Variants in COG1 observed in about 807,000 individuals in gnomAD.
COG1 encodes the protein conserved oligomeric Golgi complex subunit 1.
In COG1, 61 loss-of-function variants were observed where a neutral mutation model predicts 102.2. The observed-to-expected ratio is 0.60, with a 90% CI of 0.49 to 0.74. The LOEUF (loss-of-function observed/expected upper bound fraction) is 0.74, where lower values mean the gene tolerates loss of function less well. Among genes scored for constraint, COG1 ranks in the 30% least tolerant of loss-of-function variants. The probability of loss-of-function intolerance (pLI) is 0.00; values close to 1 mark genes in which losing one functional copy is unlikely to be tolerated. For synonymous variants in COG1, 454 were observed against 493.6 expected (o/e 0.92, Z 1.06); for missense variants, 1,164 against 1,232.1 (o/e 0.94, Z 0.83).
chr17:73,202,832 A>G (rs559478723), intron 7 of COG1, 168 bp from the exon 8 acceptor site: 2 of 752,296 alleles, frequency 2.7e-6, no homozygotes, highest in Admixed American at 4.2e-5. Context: ...GTTAGCAACA[A>G]AATTCCCATG....
intron 1 of COG1, among the ~76,000 whole-genome samples, chr17:73,193,598 G>A (rs186053921): frequency 6.6e-6 from 1 of 152,354 alleles, no homozygotes; most frequent in East Asian, 1.9e-4. Context: ...TTCTGGAAAT[G>A]CCATTCAACA....
At chr17:73,207,360 C>CA in intron 13 of COG1, 104 bp downstream of exon 13, 1 of 1,040,832 alleles carries the variant, frequency 9.6e-7, no homozygotes, top group Non-Finnish European at 1.5e-6. Context: ...AACTGAATGA[C>CA]AAAATGCACT....
Position 73,203,651 on chromosome 17 carries a change from C to A in COG1, c.2240C>A (p.Ser747Tyr), listed in dbSNP as rs1462999078. The A allele has an allele frequency of 6.2e-7, 1 of 1,614,216 alleles. No homozygotes were observed. The highest frequency in any genetic ancestry group is 1.1e-5 in the South Asian group (1 of 91,090). ...TTTTAGCCGTCCTGGTATGTACAGT[C>A]CTTCCTGTTTAGTTTATGCCAGGAA... ...LPAQPSWYVQSFLFSLCQEIN... is the reference protein window; with the variant it reads ...LPAQPSWYVQYFLFSLCQEIN... The change falls in exon 9 of 14, where the codon TCC (serine) becomes TAC (tyrosine). Residue 747 changes from serine (S) to tyrosine (Y), a missense_variant. Ser to Tyr is a moderately radical substitution (Grantham distance 144, BLOSUM62 -2). Coordinates refer to ENST00000299886, the MANE Select transcript of COG1 (RefSeq NM_018714.3).
In COG1 at chr17:73,201,398, A is replaced by G; in HGVS notation, c.1571A>G (p.Lys524Arg). Residue 524 changes from lysine (K) to arginine (R), a missense_variant, in exon 7 of 14, where the codon AAG becomes AGG. Coordinates refer to ENST00000299886, the MANE Select transcript of COG1 (RefSeq NM_018714.3). ...VQNFCSALDS[K>R]LKVKLDDLLA... is the part of the protein sequence containing the mutation. Reference sequence around the variant, plus strand: ...AACTTCTGTTCTGCCCTGGATTCTAAGCTGAAGGTTAAACTAGATGACCTC... The same window carrying G: ...AACTTCTGTTCTGCCCTGGATTCTAGGCTGAAGGTTAAACTAGATGACCTC... 6.2e-7 allele frequency: 1 copy of G among 1,614,222 alleles called. No homozygotes were observed. Among genetic ancestry groups the G allele is most frequent in the Non-Finnish European group, 8.5e-7 (1 of 1,180,050 alleles).
At chr17:73,199,429 A>C (rs1171847707) in intron 4 of COG1, among the ~76,000 whole-genome samples, 2 of 152,116 alleles carry the variant, frequency 1.3e-5, no homozygotes, top group Non-Finnish European at 2.9e-5. Flanking sequence ...CAACAGAATG[A>C]CCAGAGTTGT....
At chr17:73,202,640 T>C (rs1192619690) in intron 7 of COG1, among the ~76,000 whole-genome samples, 4 of 152,042 alleles carry the variant, frequency 2.6e-5, no homozygotes, top group African/African-American at 9.7e-5. Context: ...GTACAGAAAT[T>C]ATTCGGATGT....
rs2061375377 is a variant in COG1 at position 73,206,741 on chromosome 17, C to T, written c.2653C>T (p.Gln885Ter). 6.2e-7 allele frequency: 1 copy of T among 1,611,036 alleles called. No homozygotes were observed. Among genetic ancestry groups the T allele is most frequent in the Non-Finnish European group, 8.5e-7 (1 of 1,179,290 alleles). The stretch of plus-strand genomic sequence containing the variant: ...TGGATTGGTGACTGGTACAGAGAAT[C>T]AGCTCGCCCCCCGGAGCAGTACGTT... Reference protein sequence around the residue: ...LFGLVTGTENQLAPRSSTFNS... With the variant: ...LFGLVTGTEN The change falls in exon 12 of 14, where the codon CAG (glutamine) becomes TAG (stop). Residue 885 changes from glutamine to a stop codon, truncating the protein, a stop_gained. Coordinates refer to ENST00000299886, the MANE Select transcript of COG1 (RefSeq NM_018714.3). LOFTEE classifies it high-confidence loss of function.
chr17:73,204,774 C>G (rs1275156221), intron 9 of COG1, among the ~76,000 whole-genome samples: 1 of 152,162 alleles, frequency 6.6e-6, no homozygotes, highest in East Asian at 1.9e-4. Flanking sequence ...CCAGGCTGGT[C>G]TCAAACTCCT....
At position 73,200,670 on chromosome 17, in the gene COG1, A is replaced by G. The variant is rs1026128; in HGVS notation, c.1175A>G (p.Asn392Ser). Residue 392 changes from asparagine (N) to serine (S), a missense_variant, in exon 6 of 14, where the codon AAT (asparagine) becomes AGT (serine). Physicochemically the swap from Asn to Ser is conservative, Grantham distance 46. Coordinates refer to ENST00000299886, the MANE Select transcript of COG1 (RefSeq NM_018714.3). The part of the protein sequence containing the change: ...IRDAMWELLT[N>S]ESTNHSWDVL... Reference sequence around the variant, plus strand: ...GACGCCATGTGGGAGTTACTTACCAATGAGTCCACCAATCACAGCTGGGAT... The same window carrying G: ...GACGCCATGTGGGAGTTACTTACCAGTGAGTCCACCAATCACAGCTGGGAT... 0.53 allele frequency: 852,295 copies of G among 1,613,786 alleles called. 226,214 individuals carry two copies. Among genetic ancestry groups the G allele is most frequent in the East Asian group, 0.62 (27,764 of 44,856 alleles).
At chr17:73,207,995 C>A in intron 13 of COG1, 1 of 1,283,026 alleles carries the variant, frequency 7.8e-7, no homozygotes. Context: ...ATGTTGCAGC[C>A]TCTTCCAGAA....
In COG1 at chr17:73,201,553, G is replaced by A. The variant is rs752219613; in HGVS notation, c.1726G>A (p.Ala576Thr). The A allele has an allele frequency of 1.2e-6, 2 of 1,614,106 alleles. No individual in the cohort carries two copies. The highest frequency in any genetic ancestry group is 2.7e-5 in the African/African-American group (2 of 74,950). ...GGAGATGCTGCGGACTCAGTCCGTG[G>A]CATGCATCAAGCACATCGTGGACTG... ...VQEMLRTQSV[A>T]CIKHIVDCIR... is the part of the protein sequence containing the mutation. The change falls in exon 7 of 14, where the codon GCA (alanine) becomes ACA (threonine). Residue 576 changes from alanine to threonine, a missense_variant. By Grantham distance (58) the Ala-to-Thr change is moderately conservative. Coordinates refer to ENST00000299886, the MANE Select transcript of COG1 (RefSeq NM_018714.3).
chr17:73,207,011 TGAACCCAG>T, intron 12 of COG1, 162 bp from the exon 13 acceptor site: 2 of 708,786 alleles, frequency 2.8e-6, no homozygotes, highest in Non-Finnish European at 4.7e-6. Flanking sequence ...GAGAATGGCG[TGAACCCAG>T]GAGGCGGAGC....
In COG1 at chr17:73,206,274, C is replaced by CA. The variant is rs779886237; in HGVS notation, c.2619+17dup. On this transcript the variant is annotated intron_variant, in intron 11 of 13. Coordinates refer to ENST00000299886, the MANE Select transcript of COG1 (RefSeq NM_018714.3). ...TGCAGCGAACTTCTGTGAGTCAAAT[C>CA]AAAAACATGCTTAGTGCGAACGAAG... 8 of 1,602,924 alleles carry CA rather than the reference C, an allele frequency of 5.0e-6. No homozygotes were observed. Among genetic ancestry groups the CA allele is most frequent in the Non-Finnish European group, 6.8e-6 (8 of 1,169,894 alleles).
rs2061308951 is a variant in COG1, at chr17:73,193,137, A to T, written c.68A>T (p.Glu23Val). ...LDLRDPAALF[E>V]THGAEEIRGL... is the part of the protein sequence containing the mutation. The stretch of plus-strand genomic sequence containing the variant: ...CTGCGCGACCCTGCGGCTCTTTTCG[A>T]GACGCATGGAGCGGAGGAGATCCGC... The change falls in exon 1 of 14, where the codon GAG (glutamate) becomes GTG (valine). Residue 23 changes from glutamate (E) to valine (V), a missense_variant. Coordinates refer to ENST00000299886, the MANE Select transcript of COG1 (RefSeq NM_018714.3). 6.2e-7 allele frequency: 1 copy of T among 1,610,548 alleles called. No homozygotes were observed. Among genetic ancestry groups the T allele is most frequent in the African/African-American group, 1.3e-5 (1 of 74,998 alleles).
Position 73,205,572 on chromosome 17 carries a change from T to C in COG1, c.2402T>C (p.Val801Ala). 6.2e-7 allele frequency: 1 copy of C among 1,614,162 alleles called. No individual in the cohort carries two copies. The highest frequency in any genetic ancestry group is 8.5e-7 in the Non-Finnish European group (1 of 1,180,020). The change falls in exon 10 of 14, where the codon GTC becomes GCC. Residue 801 changes from valine (V) to alanine (A), a missense_variant. By Grantham distance (64) the Val-to-Ala change is moderately conservative. Transcript: ENST00000299886. ...TTGCAGAAAGAAGGTGCATTTCCAG[T>C]CACCCAGAACCGGGCGCTGCAGCTG... ...KQIKKEGAFP[V>A]TQNRALQLLY...
chr17:73,205,486 G>A, intron 9 of COG1, 67 bp from the exon 10 acceptor site: 1 of 1,568,990 alleles, frequency 6.4e-7, no homozygotes, highest in African/African-American at 1.3e-5. Flanking sequence ...AAAACTTGAA[G>A]CTGTTTATTA....
rs1455295664 is a variant in COG1, at chr17:73,193,536, C to G, written c.315+152C>G. ...CTATCCGCCCCTCACCCTTTGGGCC[C>G]CCCTCAGAGGACAGTGCCAGCCTTC... On this transcript the variant is annotated intron_variant, in intron 1 of 13. Coordinates refer to ENST00000299886, the MANE Select transcript of COG1 (RefSeq NM_018714.3). 4 of 654,930 alleles carry G rather than the reference C, an allele frequency of 6.1e-6. No individual in the cohort carries two copies. In the East Asian group the frequency reaches 9.9e-5, roughly 16 times the overall value. The allele number at this position is 654,930 out of a possible 1,614,324, so 40.6% of individuals were successfully genotyped here. A position where few individuals can be genotyped will look rare whatever the true frequency, so the allele number is the denominator to read the frequency against.
chr17:73,208,297 T>G lies in COG1; in HGVS notation c.2806-17T>G. The G allele has an allele frequency of 6.2e-7, 1 of 1,612,876 alleles. No homozygotes were observed. On this transcript the variant is annotated splice_polypyrimidine_tract_variant and intron_variant, in intron 13 of 13. Coordinates refer to ENST00000299886, the MANE Select transcript of COG1 (RefSeq NM_018714.3). Reference sequence around the variant, plus strand: ...TCAGGCCAACTCTAAGGCACTTTTCTCTACATCCAATGGCAGGTTGTCCCC... The same window carrying G: ...TCAGGCCAACTCTAAGGCACTTTTCGCTACATCCAATGGCAGGTTGTCCCC...
At chr17:73,208,242 G>A (rs976076424) in intron 13 of COG1, 72 bp from the exon 14 acceptor site, 16 of 1,608,678 alleles carry the variant, frequency 9.9e-6, no homozygotes, top group East Asian at 2.2e-5. Context: ...TCCGAGTGGC[G>A]TCGCGCGGAG....
Sources: allele counts gnomAD v4.1 joint callset (sites outside exome capture counted in the v4.1 genomes callset), GRCh38; gene constraint gnomAD v4.1.1; transcripts MANE v1.5; gene names NCBI Gene and HGNC (gene_info 2026-07-23, HGNC 2026-07-21).